The following E2F2 variants were observed in gnomAD, a reference collection of about 807,000 sequenced individuals.
The protein encoded by E2F2 is transcription factor E2F2.
In E2F2, 22 loss-of-function variants were observed where a neutral mutation model predicts 42.2. The ratio of observed to expected loss-of-function variants is 0.52; its 90% CI spans 0.37 to 0.74. The LOEUF (loss-of-function observed/expected upper bound fraction) is 0.74. Ranked by LOEUF, E2F2 falls within the 30% of genes least tolerant of loss-of-function variation. The probability of loss-of-function intolerance (pLI) is 0.00; values close to 1 mark genes in which losing one functional copy is unlikely to be tolerated. For synonymous variants in E2F2, 248 were observed against 251.6 expected (o/e 0.99, Z 0.13); for missense variants, 481 against 557.8 (o/e 0.86, Z 1.39).
intron 2 of E2F2, 43 bp from the exon 3 acceptor site, chr1:23,522,099 G>C: frequency 6.3e-7 from 1 of 1,586,538 alleles, no homozygotes; most frequent in Non-Finnish European, 8.6e-7. Context: ...GGAGGGGAGG[G>C]CCCGCCCAGG....
rs368224127 is a variant in E2F2 at position 23,521,188 on chromosome 1, G to A, written c.579-117C>T. ...GTTGTGGAAATCAGTGGTCATGCCTGTCTCTCAGGGAGCTACCAGGGATTG... is the reference window on the plus strand; with the variant it reads ...GTTGTGGAAATCAGTGGTCATGCCTATCTCTCAGGGAGCTACCAGGGATTG... On this transcript the variant is annotated intron_variant, in intron 3 of 6. Coordinates refer to ENST00000361729, the MANE Select transcript of E2F2 (RefSeq NM_004091.4). The A allele has an allele frequency of 2.5e-6, 3 of 1,191,528 alleles. No individual in the cohort carries two copies. The East Asian group carries it at 8.9e-5, about 35-fold the overall frequency. The allele number at this position is 1,191,528 out of a possible 1,614,324, so 73.8% of individuals were successfully genotyped here.
At chr1:23,529,038 C>A (rs1643295177) in intron 1 of E2F2, among the ~76,000 whole-genome samples, 1 of 152,090 alleles carries the variant, frequency 6.6e-6, no homozygotes, top group Non-Finnish European at 1.5e-5. Context: ...CATAGGGAGA[C>A]CCCTGTCTCT....
rs1643203923 is a variant in E2F2, at chr1:23,524,094, ACAACAAC to A, written c.358+282_358+288del. On this transcript the variant is annotated intron_variant, in intron 2 of 6. Transcript: ENST00000361729. The stretch of plus-strand genomic sequence containing the variant: ...TCTCACAACAACAACAACAACAACA[ACAACAAC>A]AACAAAAAAAAACACAGAAGTAATG... 1.4e-4 allele frequency among the ~76,000 whole-genome samples: 20 copies of A among 138,336 alleles called. 4 individuals carry two copies. The South Asian group carries it at 2.3e-3, about 16-fold the overall frequency. 90.8% of individuals were successfully genotyped at this position (138,336 alleles called of 152,430 possible).
intron 4 of E2F2, chr1:23,519,366 A>G (rs1438446554): frequency 3.1e-6 from 1 of 327,522 alleles, no homozygotes; most frequent in African/African-American, 2.1e-5. Context: ...ATAAATCATA[A>G]AAAATGTTGC....
intron 5 of E2F2, among the ~76,000 whole-genome samples, chr1:23,517,655 T>C (rs996042341): frequency 3.9e-5 from 6 of 152,166 alleles, no homozygotes; most frequent in African/African-American, 1.2e-4. Flanking sequence ...TACACCCTAA[T>C]AGATGAAGCA....
At position 23,530,491 on chromosome 1, in the gene E2F2, T is replaced by C; in HGVS notation, c.252+51A>G. 1 of 1,598,238 alleles carries C rather than the reference T, an allele frequency of 6.3e-7. No individual in the cohort carries two copies. The highest frequency in any genetic ancestry group is 1.7e-4 in the Middle Eastern group (1 of 6,010). On this transcript the variant is annotated intron_variant, in intron 1 of 6. Coordinates refer to ENST00000361729, the MANE Select transcript of E2F2 (RefSeq NM_004091.4). The surrounding 1 kb of genome is among the most constrained non-coding windows in gnomAD (Gnocchi z 4.4). ...GGATCTCAGGCACCCCTCCCTCCTT[T>C]CCCACACCTGGAAAAGCATAGGGGG...
rs1274707804 is a variant in E2F2, at chr1:23,530,199, G to A, written c.252+343C>T. Among the ~76,000 whole-genome samples, 2 of 152,174 alleles carry A rather than the reference G, an allele frequency of 1.3e-5. No individual in the cohort carries two copies. ...TAGCAGGCACCCAGTACTGGTTTCTGGCCAAACAATGAAGTAATGAATGAA... is the reference window on the plus strand; with the variant it reads ...TAGCAGGCACCCAGTACTGGTTTCTAGCCAAACAATGAAGTAATGAATGAA... On this transcript the variant is annotated intron_variant, in intron 1 of 6. Coordinates refer to ENST00000361729, the MANE Select transcript of E2F2 (RefSeq NM_004091.4). The surrounding 1 kb of genome is among the most constrained non-coding windows in gnomAD (Gnocchi z 4.4).
intron 6 of E2F2, among the ~76,000 whole-genome samples, chr1:23,511,040 A>G (rs560284745): frequency 6.6e-6 from 1 of 152,158 alleles, no homozygotes; most frequent in East Asian, 1.9e-4. Context: ...AACTTTCTCC[A>G]GAGTAGCCTC....
intron 5 of E2F2, 40 bp downstream of exon 5, chr1:23,518,976 G>T: frequency 1.9e-6 from 3 of 1,556,144 alleles, no homozygotes; most frequent in Non-Finnish European, 2.7e-6. Flanking sequence ...TCCCTGGCAG[G>T]GTCTCAACCC....
rs373751404 is a variant in E2F2, at chr1:23,516,593, G to A, written c.853-66C>T. 4.5e-6 allele frequency: 6 copies of A among 1,336,696 alleles called. No homozygotes were observed. In the Admixed American group the frequency reaches 1.1e-4, roughly 24 times the overall value. 82.8% of individuals were successfully genotyped at this position (1,336,696 alleles called of 1,614,324 possible). On this transcript the variant is annotated intron_variant, in intron 5 of 6. Transcript: ENST00000361729. ...TGGACACTTACACTTAGTGTGTATG[G>A]ACAGACGCACGTGGCTGCTGCCATC...
At chr1:23,528,552 A>G (rs1320695504) in intron 1 of E2F2, among the ~76,000 whole-genome samples, 3 of 152,202 alleles carry the variant, frequency 2.0e-5, no homozygotes, top group African/African-American at 7.2e-5. Flanking sequence ...GACCCAGGCA[A>G]GTGACTTCCT....
chr1:23,517,045 G>A (rs996794119), intron 5 of E2F2, among the ~76,000 whole-genome samples: 4 of 152,054 alleles, frequency 2.6e-5, no homozygotes, highest in Admixed American at 2.6e-4. Flanking sequence ...AATGGAGTCA[G>A]CACAGAGAAA....
At chr1:23,525,198 T>C (rs3218149) in intron 1 of E2F2, among the ~76,000 whole-genome samples, 80 of 88,676 alleles carry the variant, frequency 9.0e-4, no homozygotes, top group Middle Eastern at 0.014. Context: ...ACCCCCCCCC[T>C]CCAGCTCCCC....
In E2F2 at chr1:23,509,040, G is replaced by T. The variant is rs372758190; in HGVS notation, c.*840C>A. 2 of 152,170 alleles carry T rather than the reference G, an allele frequency of 1.3e-5. No homozygotes were observed. The highest frequency in any genetic ancestry group is 4.8e-5 in the African/African-American group (2 of 41,398). 9.4% of individuals were successfully genotyped at this position (152,170 alleles called of 1,614,324 possible). A position where few individuals can be genotyped will look rare whatever the true frequency, so the allele number is the denominator to read the frequency against. On this transcript the variant is annotated 3_prime_UTR_variant, in exon 7 of 7. Transcript: ENST00000361729. ...TTTTCCACGGGAGCTTGTCTCTGCT[G>T]GACCATTTTTACATCTCAAGGGGAG...
chr1:23,520,122 T>C (rs892836562), intron 4 of E2F2, among the ~76,000 whole-genome samples: 3 of 148,566 alleles, frequency 2.0e-5, no homozygotes, highest in African/African-American at 7.5e-5. Flanking sequence ...GGCGGGCACC[T>C]GTAATCCCAG....
Position 23,509,846 on chromosome 1 carries a change from T to G in E2F2, c.*34A>C. The G allele has an allele frequency of 6.6e-7, 1 of 1,513,694 alleles. No individual in the cohort carries two copies. The highest frequency in any genetic ancestry group is 2.4e-5 in the East Asian group (1 of 41,836). 93.8% of individuals were successfully genotyped at this position (1,513,694 alleles called of 1,614,324 possible). ...TCAGCCTGTCTGTGAGGAGGTAGAG[T>G]CGGGGGCAGGCTGCTGGGGGCAGGC... On this transcript the variant is annotated 3_prime_UTR_variant, in exon 7 of 7. Transcript: ENST00000361729.
rs1434068248 is a variant in E2F2, at chr1:23,512,800, A to G, written c.1046-2652T>C. On this transcript the variant is annotated intron_variant, in intron 6 of 6. Transcript: ENST00000361729. ...AACAGCACCAGGCCCAGCTCAGTAGATGCTCTTCACACAAGCTTTTTTTTT... is the reference window on the plus strand; with the variant it reads ...AACAGCACCAGGCCCAGCTCAGTAGGTGCTCTTCACACAAGCTTTTTTTTT... Among the ~76,000 whole-genome samples, 5 of 150,584 alleles carry G rather than the reference A, an allele frequency of 3.3e-5. 1 individual carries two copies. The highest frequency in any genetic ancestry group is 3.3e-4 in the Admixed American group (5 of 15,148).
chr1:23,513,002 G>A (rs1044570294), intron 6 of E2F2, among the ~76,000 whole-genome samples: 16 of 152,108 alleles, frequency 1.1e-4, no homozygotes, highest in South Asian at 1.0e-3. Context: ...TAGTAGAGAC[G>A]GGGTTTCATC....
chr1:23,526,312 C>T (rs893703628), intron 1 of E2F2, among the ~76,000 whole-genome samples: 3 of 152,312 alleles, frequency 2.0e-5, no homozygotes, highest in Non-Finnish European at 4.4e-5. Flanking sequence ...TTCACTGAAT[C>T]TTCCCATACC....
Sources: allele counts gnomAD v4.1 joint callset (sites outside exome capture counted in the v4.1 genomes callset), GRCh38; gene constraint gnomAD v4.1.1; non-coding constraint Gnocchi (gnomAD v3.1); transcripts MANE v1.5; gene names NCBI Gene and HGNC (gene_info 2026-07-23, HGNC 2026-07-21).